The following STXBP5 variants were observed in gnomAD, a reference collection of about 807,000 sequenced individuals.
The protein encoded by STXBP5 is syntaxin-binding protein 5.
In STXBP5, 50 loss-of-function variants were observed where a neutral mutation model predicts 152.4. The observed-to-expected ratio is 0.33, with a 90% CI of 0.26 to 0.42. The LOEUF (loss-of-function observed/expected upper bound fraction) is 0.42, where lower values mean the gene tolerates loss of function less well. Among genes scored for constraint, STXBP5 ranks in the 10% least tolerant of loss-of-function variants. The pLI is 1.00. For missense variants in STXBP5, 1,167 were observed against 1,388.6 expected (o/e 0.84, Z 2.54); for synonymous variants, 492 against 494.7 (o/e 0.99, Z 0.07).
chr6:147,329,990 GATAT>G (rs1234937489), intron 18 of STXBP5, among the ~76,000 whole-genome samples: 1 of 152,064 alleles, frequency 6.6e-6, no homozygotes, highest in Non-Finnish European at 1.5e-5. Context: ...AATAGATGCT[GATAT>G]ATTTTTATAA....
intron 21 of STXBP5, among the ~76,000 whole-genome samples, chr6:147,344,071 A>G (rs1239458096): frequency 6.6e-6 from 1 of 152,198 alleles, no homozygotes; most frequent in African/African-American, 2.4e-5. Context: ...TATGAGTCTG[A>G]GTACTAACAA....
rs1054238870 is a variant in STXBP5, at chr6:147,350,785, A to T, written c.2255-2538A>T. ...CTTATTATTAACAATAAATAATAAC[A>T]TTTATTAAATCATACTATGTGCCAG... On this transcript the variant is annotated intron_variant, in intron 21 of 27. Transcript: ENST00000321680. 2.6e-5 allele frequency among the ~76,000 whole-genome samples: 4 copies of T among 152,324 alleles called. No individual in the cohort carries two copies. In the East Asian group the frequency reaches 7.7e-4, roughly 29 times the overall value.
At chr6:147,296,913 G>C (rs1781554340) in intron 9 of STXBP5, among the ~76,000 whole-genome samples, 1 of 152,100 alleles carries the variant, frequency 6.6e-6, no homozygotes, top group Admixed American at 6.5e-5. Flanking sequence ...AATCCAGCCA[G>C]AGGGTGGAAA....
intron 25 of STXBP5, among the ~76,000 whole-genome samples, chr6:147,370,168 T>G (rs1372984329): frequency 6.6e-6 from 1 of 152,026 alleles, no homozygotes; most frequent in Non-Finnish European, 1.5e-5. Context: ...GTTGTTCTAT[T>G]TATATAAAAA....
At chr6:147,315,124 T>C (rs1782578587) in intron 14 of STXBP5, among the ~76,000 whole-genome samples, 1 of 152,152 alleles carries the variant, frequency 6.6e-6, no homozygotes, top group South Asian at 2.1e-4. Context: ...TGTTTCCTCA[T>C]GTAGGAATGT....
At chr6:147,248,086 C>T (rs1778900946) in intron 4 of STXBP5, among the ~76,000 whole-genome samples, 1 of 152,004 alleles carries the variant, frequency 6.6e-6, no homozygotes, top group African/African-American at 2.4e-5. Context: ...TCAAGACGAG[C>T]CTGGCCAACA....
At chr6:147,213,471 T>TGTGTGTGC (rs1554282744) in intron 2 of STXBP5, among the ~76,000 whole-genome samples, 24 of 121,482 alleles carry the variant, frequency 2.0e-4, no homozygotes, top group Non-Finnish European at 4.0e-4. Context: ...TGTGTGTGTG[T>TGTGTGTGC]GTGTGTGCGC....
intron 21 of STXBP5, among the ~76,000 whole-genome samples, chr6:147,347,539 C>A (rs139928145): frequency 1.3e-5 from 2 of 152,232 alleles, no homozygotes; most frequent in Admixed American, 1.3e-4. Flanking sequence ...TTATAATATA[C>A]CAGTTGTAAA....
chr6:147,326,997 GTTGTCTTTTGTTTCAAAGAATTTTCT>G, intron 17 of STXBP5, 102 bp from the exon 18 acceptor site: 2 of 759,422 alleles, frequency 2.6e-6, no homozygotes, highest in Non-Finnish European at 4.2e-6. Context: ...AGTTCCTATA[GTTGTCTTTTGTTTCAAAGAATTTTCT>G]GAAAGACCCA....
intron 18 of STXBP5, among the ~76,000 whole-genome samples, chr6:147,329,581 A>G (rs1051464799): frequency 7.4e-6 from 1 of 134,530 alleles, no homozygotes; most frequent in Non-Finnish European, 1.6e-5. Context: ...ACATGTTCTT[A>G]GGTGTTGACC....
chr6:147,213,258 G>T (rs1057004173), intron 2 of STXBP5, among the ~76,000 whole-genome samples: 2 of 151,312 alleles, frequency 1.3e-5, no homozygotes, highest in African/African-American at 4.9e-5. Context: ...TTTACAAGAA[G>T]AATTTTTTCT....
Position 147,389,024 on chromosome 6 carries a change from A to G in STXBP5, c.*4269A>G, listed in dbSNP as rs1234754800. 4 of 151,644 alleles carry G rather than the reference A, an allele frequency of 2.6e-5. No individual in the cohort carries two copies. Among genetic ancestry groups the G allele is most frequent in the South Asian group, 2.1e-4 (1 of 4,824 alleles). 9.4% of individuals were successfully genotyped at this position (151,644 alleles called of 1,614,324 possible). A position where few individuals can be genotyped will look rare whatever the true frequency, so the allele number is the denominator to read the frequency against. On this transcript the variant is annotated 3_prime_UTR_variant, in exon 28 of 28. Transcript: ENST00000321680. ...ACTTTGGGGGGAAAAAAGCACTCCT[A>G]TATCTTAAATGTCCTTCTTTTTTCT...
intron 2 of STXBP5, among the ~76,000 whole-genome samples, chr6:147,227,003 A>T (rs73582518): frequency 2.6e-5 from 4 of 152,184 alleles, no homozygotes; most frequent in African/African-American, 9.7e-5. Flanking sequence ...AAGTCTGTGT[A>T]GTAGTGAATG....
intron 25 of STXBP5, among the ~76,000 whole-genome samples, chr6:147,373,524 A>G (rs1785665268): frequency 6.6e-6 from 1 of 152,224 alleles, no homozygotes; most frequent in Non-Finnish European, 1.5e-5. Flanking sequence ...AGGGGCAAGC[A>G]GCAAATAAGT....
At chr6:147,207,826 A>G (rs1186482617) in intron 2 of STXBP5, among the ~76,000 whole-genome samples, 6 of 152,154 alleles carry the variant, frequency 3.9e-5, no homozygotes, top group Non-Finnish European at 4.4e-5. Context: ...TTCTTTTGGT[A>G]AATAACCTCT....
chr6:147,229,861 A>G (rs1407650776), intron 2 of STXBP5, among the ~76,000 whole-genome samples: 2 of 151,306 alleles, frequency 1.3e-5, no homozygotes, highest in Admixed American at 1.3e-4. Context: ...TTTCTTGCAC[A>G]TTTCCATGGC....
intron 7 of STXBP5, among the ~76,000 whole-genome samples, chr6:147,267,903 A>G (rs1319335391): frequency 6.6e-6 from 1 of 152,142 alleles, no homozygotes; most frequent in East Asian, 1.9e-4. Flanking sequence ...AATAGGAGAC[A>G]TTCTAATTCT....
At chr6:147,293,839 A>C (rs2128354745) in intron 9 of STXBP5, among the ~76,000 whole-genome samples, 1 of 152,308 alleles carries the variant, frequency 6.6e-6, no homozygotes, top group East Asian at 1.9e-4. Flanking sequence ...TATGTCACCC[A>C]CATTAAACAT....
intron 8 of STXBP5, among the ~76,000 whole-genome samples, chr6:147,287,682 G>T (rs547682576): frequency 2.9e-4 from 44 of 152,228 alleles, no homozygotes; most frequent in African/African-American, 7.2e-4. Context: ...AAATTAATGG[G>T]CATTCCCTTT....
Sources: gnomAD v4.1 joint callset for allele counts (sites outside exome capture counted in the v4.1 genomes callset) on GRCh38, gnomAD v4.1.1 for gene constraint, MANE v1.5 for transcripts, NCBI Gene and HGNC (gene_info 2026-07-23, HGNC 2026-07-21) for gene names.